The following KDM4C variants were observed in gnomAD, a reference collection of about 807,000 sequenced individuals.
KDM4C encodes the protein lysine-specific demethylase 4C.
In KDM4C, 81 loss-of-function variants were observed where a neutral mutation model predicts 129.3. That is an observed-to-expected ratio of 0.63 (90% CI 0.52 to 0.75). The LOEUF is 0.75. KDM4C is among the 30% of genes least tolerant of loss of function. KDM4C has a pLI of 0.00. For missense variants in KDM4C, 1,457 were observed against 1,304.0 expected (o/e 1.12, Z -1.81); for synonymous variants, 573 against 456.1 (o/e 1.26, Z -3.26).
chr9:6,911,183 C>T (rs566024998), intron 8 of KDM4C, among the ~76,000 whole-genome samples: 116 of 151,864 alleles, frequency 7.6e-4, no homozygotes, highest in Non-Finnish European at 1.4e-3. Flanking sequence ...TTATGTATAG[C>T]TCTATTAATA....
At chr9:6,954,776 C>G (rs1195294223) in intron 8 of KDM4C, among the ~76,000 whole-genome samples, 1 of 152,186 alleles carries the variant, frequency 6.6e-6, no homozygotes. Context: ...TTGAGAATCT[C>G]TGAATGGGCA....
At chr9:7,150,106 G>T (rs1442254371) in intron 19 of KDM4C, among the ~76,000 whole-genome samples, 2 of 152,200 alleles carry the variant, frequency 1.3e-5, no homozygotes, top group African/African-American at 4.8e-5. Context: ...CGGTCAGTGG[G>T]ATAGACTGAC....
Position 6,986,584 on chromosome 9 carries a change from T to C in KDM4C, c.1595T>C (p.Val532Ala). ...TTAACAGAGGGAGAAGAGAGTGATG[T>C]GGAGAGCCATGGGAATGGCCTTGAA... ...GVLTEGEESDVESHGNGLEPG... is the reference protein window; with the variant it reads ...GVLTEGEESDAESHGNGLEPG... Residue 532 changes from valine (V) to alanine (A), a missense_variant, in exon 11 of 22, where the codon GTG becomes GCG. Transcript: ENST00000381309. 1 of 1,614,054 alleles carries C rather than the reference T, an allele frequency of 6.2e-7. No individual in the cohort carries two copies. The highest frequency in any genetic ancestry group is 8.5e-7 in the Non-Finnish European group (1 of 1,179,992).
chr9:7,170,536 A>G, intron 21 of KDM4C: 2 of 968,160 alleles, frequency 2.1e-6, no homozygotes, highest in Non-Finnish European at 2.5e-6. Flanking sequence ...AGTCATTGAA[A>G]AATATAATTC....
At chr9:7,040,196 T>G (rs1181338847) in intron 15 of KDM4C, among the ~76,000 whole-genome samples, 1 of 152,092 alleles carries the variant, frequency 6.6e-6, no homozygotes, top group African/African-American at 2.4e-5. Flanking sequence ...TGTGGTCTTA[T>G]CTTACATTTT....
intron 8 of KDM4C, chr9:6,978,658 TC>T (rs1833340156): frequency 6.6e-6 from 1 of 152,228 alleles, no homozygotes; most frequent in Non-Finnish European, 1.5e-5. Context: ...GGTATAAAAG[TC>T]TCAAAATCCT....
At chr9:6,980,896 T>C (rs779642704) in intron 8 of KDM4C, 29 bp from the exon 9 acceptor site, 1 of 1,608,286 alleles carries the variant, frequency 6.2e-7, no homozygotes, top group East Asian at 2.2e-5. Flanking sequence ...GCGAAACGTT[T>C]AACACTCTCC....
At chr9:7,024,154 G>T (rs949174121) in intron 15 of KDM4C, among the ~76,000 whole-genome samples, 1 of 152,114 alleles carries the variant, frequency 6.6e-6, no homozygotes, top group Admixed American at 6.5e-5. Flanking sequence ...GATTTGGTCT[G>T]TAGTGTAGAT....
intron 17 of KDM4C, among the ~76,000 whole-genome samples, chr9:7,075,811 T>G: frequency 6.7e-6 from 1 of 149,304 alleles, no homozygotes; most frequent in East Asian, 1.9e-4. Context: ...TTCTGAGGAT[T>G]TTTTTTTTTT....
chr9:6,873,946 GAGA>G (rs1843181674), intron 5 of KDM4C, among the ~76,000 whole-genome samples: 1 of 130,848 alleles, frequency 7.6e-6, no homozygotes, highest in African/African-American at 3.7e-5. Flanking sequence ...GAGAGCGAGA[GAGA>G]GAGAGAGAGA....
intron 4 of KDM4C, among the ~76,000 whole-genome samples, chr9:6,817,987 A>G (rs1970111): frequency 0.56 from 85,139 of 151,646 alleles, 24,483 homozygotes; most frequent in African/African-American, 0.69. Flanking sequence ...GGTTGGTCTC[A>G]ATCTCCTGAC....
intron 18 of KDM4C, among the ~76,000 whole-genome samples, chr9:7,105,164 A>G (rs138445455): frequency 6.6e-6 from 1 of 152,232 alleles, no homozygotes; most frequent in Non-Finnish European, 1.5e-5. Flanking sequence ...AACACCTTAC[A>G]TGACTGTGGT....
intron 15 of KDM4C, among the ~76,000 whole-genome samples, chr9:7,032,193 G>C (rs762743591): frequency 6.6e-6 from 1 of 152,174 alleles, no homozygotes; most frequent in Non-Finnish European, 1.5e-5. Flanking sequence ...TAAATTGAGC[G>C]TAATTCCTGT....
chr9:7,132,406 C>A (rs373359898), intron 19 of KDM4C, among the ~76,000 whole-genome samples: 20 of 151,824 alleles, frequency 1.3e-4, no homozygotes, highest in Admixed American at 5.9e-4. Context: ...GAGAAACGCT[C>A]TTTGAACTAT....
intron 5 of KDM4C, among the ~76,000 whole-genome samples, chr9:6,861,452 T>C (rs1403542552): frequency 6.6e-6 from 1 of 152,240 alleles, no homozygotes; most frequent in Non-Finnish European, 1.5e-5. Context: ...TCATGCATCC[T>C]GTGTGATGCC....
chr9:6,798,925 G>A (rs1274267406), intron 2 of KDM4C, among the ~76,000 whole-genome samples: 3 of 151,788 alleles, frequency 2.0e-5, no homozygotes, highest in African/African-American at 7.3e-5. Context: ...TCCCAGACGG[G>A]GTCGCGGTCG....
At chr9:6,970,295 C>T (rs1468023835) in intron 8 of KDM4C, among the ~76,000 whole-genome samples, 3 of 152,072 alleles carry the variant, frequency 2.0e-5, no homozygotes, top group Admixed American at 6.6e-5. Flanking sequence ...CAGTGATGAA[C>T]ATTGAAAACT....
intron 5 of KDM4C, among the ~76,000 whole-genome samples, chr9:6,860,741 A>G (rs1840772947): frequency 6.6e-6 from 1 of 152,222 alleles, no homozygotes. Context: ...TAGTTTTTAC[A>G]TTAAAGTTAG....
At chr9:7,145,109 C>A (rs1056099870) in intron 19 of KDM4C, among the ~76,000 whole-genome samples, 2 of 152,116 alleles carry the variant, frequency 1.3e-5, no homozygotes. Flanking sequence ...GCCTCCTCCT[C>A]GGGTGTTGAT....
Sources: gnomAD v4.1 joint callset for allele counts (sites outside exome capture counted in the v4.1 genomes callset) on GRCh38, gnomAD v4.1.1 for gene constraint, MANE v1.5 for transcripts, NCBI Gene and HGNC (gene_info 2026-07-23, HGNC 2026-07-21) for gene names.